TFB1M: variants seen among roughly 807,000 people sequenced by gnomAD.
TFB1M encodes the protein dimethyladenosine transferase 1, mitochondrial.
In TFB1M, 27 loss-of-function variants were observed where a neutral mutation model predicts 31.1. The observed-to-expected ratio is 0.87, with a 90% confidence interval of 0.64 to 1.20. The LOEUF (loss-of-function observed/expected upper bound fraction) is 1.20, where lower values mean the gene tolerates loss of function less well. Among genes scored for constraint, TFB1M ranks in the 50% most tolerant of loss-of-function variants. The pLI, the probability that TFB1M is intolerant of heterozygous loss-of-function variation, is 0.00. For synonymous variants in TFB1M, 166 were observed against 151.8 expected, an observed-to-expected ratio of 1.09 and a Z score of -0.69; for missense variants, 394 against 418.7, an observed-to-expected ratio of 0.94 and a Z score of 0.51.
intron 5 of TFB1M, among the ~76,000 whole-genome samples, chr6:155,271,724 T>C (rs919676448): frequency 6.6e-6 from 1 of 152,160 alleles, no homozygotes; most frequent in East Asian, 1.9e-4. Flanking sequence ...ACTGAGGACA[T>C]AAAATAATAC....
chr6:155,243,655 T>A, the TFB1M span, among the ~76,000 whole-genome samples: 12 of 152,052 alleles, frequency 7.9e-5, no homozygotes, highest in African/African-American at 2.4e-4. Context: ...GAGACCAGCC[T>A]GACCAACATG....
At chr6:155,281,747 T>TA (rs1400684597) in intron 5 of TFB1M, among the ~76,000 whole-genome samples, 20 of 84,386 alleles carry the variant, frequency 2.4e-4, no homozygotes, top group Non-Finnish European at 3.8e-4. Flanking sequence ...AAAAAAAAAA[T>TA]AGTGTTGAGA....
chr6:155,290,526 A>G (rs1776869226), intron 4 of TFB1M, among the ~76,000 whole-genome samples: 1 of 152,102 alleles, frequency 6.6e-6, no homozygotes, highest in African/African-American at 2.4e-5. Flanking sequence ...CATAAATTAT[A>G]GACTCTATAT....
rs1777999325 is a variant in TFB1M, at chr6:155,311,173, C to CT, written c.285+14dup. On this transcript the variant is annotated intron_variant, in intron 2 of 6. Transcript: ENST00000367166. Reference sequence around the variant, plus strand: ...CAGCTTTTGCCTCCTAAAGCAGACACTTTAAGCATCTCACCTGTAATCCAG... The same window carrying CT: ...CAGCTTTTGCCTCCTAAAGCAGACACTTTTAAGCATCTCACCTGTAATCCAG... 1 of 1,613,822 alleles carries CT rather than the reference C, an allele frequency of 6.2e-7. No homozygotes were observed. Among genetic ancestry groups the CT allele is most frequent in the South Asian group, 1.1e-5 (1 of 91,084 alleles).
the TFB1M span, among the ~76,000 whole-genome samples, chr6:155,234,800 A>C: frequency 2.0e-5 from 3 of 152,222 alleles, no homozygotes; most frequent in Admixed American, 2.0e-4. Context: ...CTGCCTCTCT[A>C]AGCAGAGGTG....
At chr6:155,294,344 G>T (rs1025131633) in intron 4 of TFB1M, among the ~76,000 whole-genome samples, 1 of 152,134 alleles carries the variant, frequency 6.6e-6, no homozygotes, top group African/African-American at 2.4e-5. Context: ...AATTAAGAAT[G>T]CTTGCTCTTC....
the TFB1M span, among the ~76,000 whole-genome samples, chr6:155,242,615 G>A: frequency 0.012 from 1,884 of 152,324 alleles, 34 homozygotes; most frequent in Non-Finnish European, 0.015. Context: ...TGGGAAGTGA[G>A]GGAGTTATTA....
intron 6 of TFB1M, 115 bp from the exon 7 acceptor site, chr6:155,258,197 C>G: frequency 4.7e-6 from 6 of 1,279,384 alleles, no homozygotes; most frequent in South Asian, 1.2e-5. Flanking sequence ...CTACTGACAG[C>G]TGGAGAGAGT....
chr6:155,278,720 G>A (rs1785337415), intron 5 of TFB1M, among the ~76,000 whole-genome samples: 1 of 152,180 alleles, frequency 6.6e-6, no homozygotes, highest in Non-Finnish European at 1.5e-5. Flanking sequence ...ACCAGGTTCT[G>A]GAGTCAAACT....
chr6:155,273,150 G>A (rs999668781), intron 5 of TFB1M, among the ~76,000 whole-genome samples: 8 of 152,172 alleles, frequency 5.3e-5, no homozygotes, highest in African/African-American at 1.2e-4. Context: ...TTACAAAACT[G>A]TAAACATGTG....
chr6:155,290,431 G>GTA (rs944479878), intron 4 of TFB1M, among the ~76,000 whole-genome samples: 1 of 146,074 alleles, frequency 6.8e-6, no homozygotes, highest in Non-Finnish European at 1.5e-5. Context: ...GACTAATATA[G>GTA]TATATATATA....
At chr6:155,268,020 A>G (rs1784741369) in intron 5 of TFB1M, among the ~76,000 whole-genome samples, 1 of 152,212 alleles carries the variant, frequency 6.6e-6, no homozygotes, top group South Asian at 2.1e-4. Context: ...TGTAGACAGG[A>G]AATTTTGGGT....
chr6:155,245,755 G>GTTGTT, the TFB1M span: 2 of 1,022,126 alleles, frequency 2.0e-6, no homozygotes, highest in Non-Finnish European at 1.4e-6. Flanking sequence ...GCCTTTTATA[G>GTTGTT]TTTTTTTTTT....
At chr6:155,246,900 G>C in the TFB1M span, among the ~76,000 whole-genome samples, 1 of 152,242 alleles carries the variant, frequency 6.6e-6, no homozygotes, top group Non-Finnish European at 1.5e-5. Flanking sequence ...CAGAGTAGCT[G>C]CATTCCAAGC....
At position 155,260,428 on chromosome 6, in the gene TFB1M, T is replaced by C. The variant is rs553611380; in HGVS notation, c.667-28A>G. 1.7e-5 allele frequency: 28 copies of C among 1,614,030 alleles called. No homozygotes were observed. In the African/African-American group the frequency reaches 2.3e-4, roughly 13 times the overall value. On this transcript the variant is annotated intron_variant, in intron 5 of 6. Coordinates refer to ENST00000367166, the MANE Select transcript of TFB1M (RefSeq NM_016020.4). ...TCGTTGTAAGCAAACATATTATCAT[T>C]CTGTGGCATGATATGTGGCATAGTG...
At chr6:155,250,861 C>A in the TFB1M span, 29 of 1,551,896 alleles carry the variant, frequency 1.9e-5, no homozygotes, top group Non-Finnish European at 2.6e-5. Context: ...AACAAGAGAT[C>A]ATCTAGCCTG....
chr6:155,298,464 CA>C lies in TFB1M; in HGVS notation c.394+12del. ...ATAAAAGAAATGTTTTATAACTACC[CA>C]AAAGCACTCACCATCTTCCCAGGGT... On this transcript the variant is annotated intron_variant, in intron 3 of 6. Transcript: ENST00000367166. 1.4e-6 allele frequency: 2 copies of C among 1,400,504 alleles called. No homozygotes were observed. Among genetic ancestry groups the C allele is most frequent in the Non-Finnish European group, 1.0e-6 (1 of 985,554 alleles). 86.8% of individuals were successfully genotyped at this position (1,400,504 alleles called of 1,614,324 possible). A position where few individuals can be genotyped will look rare whatever the true frequency, so the allele number is the denominator to read the frequency against.
chr6:155,297,212 T>C (rs162970), intron 3 of TFB1M, 108 bp from the exon 4 acceptor site: 12,811 of 1,184,050 alleles, frequency 0.011, 241 homozygotes, highest in African/African-American at 0.051. Flanking sequence ...CAAAGAAAAA[T>C]ATATAAATAG....
intron 3 of TFB1M, among the ~76,000 whole-genome samples, chr6:155,298,225 T>C (rs1777264816): frequency 1.3e-5 from 2 of 152,266 alleles, no homozygotes; most frequent in South Asian, 4.2e-4. Context: ...TCACAAAAAA[T>C]GGTTAGTTTA....
Sources: allele counts gnomAD v4.1 joint callset (sites outside exome capture counted in the v4.1 genomes callset), GRCh38; gene constraint gnomAD v4.1.1; transcripts MANE v1.5; gene names NCBI Gene and HGNC (gene_info 2026-07-23, HGNC 2026-07-21).